The following TACC2 variants were observed in gnomAD, a reference collection of about 807,000 sequenced individuals.
TACC2 encodes transforming acidic coiled-coil containing protein 2.
A neutral mutation model predicts 227.3 loss-of-function variants in TACC2; 137 were observed. That is an observed-to-expected ratio of 0.60 (90% confidence interval 0.52 to 0.69). The LOEUF is 0.69. TACC2 is among the 30% of genes least tolerant of loss of function. TACC2 has a pLI of 0.00. For synonymous variants in TACC2, 1,523 were observed against 1,487.5 expected (o/e 1.02, Z -0.55); for missense variants, 3,470 against 3,694.4 (o/e 0.94, Z 1.57).
intron 7 of TACC2, among the ~76,000 whole-genome samples, chr10:122,151,994 G>A (rs1197188114): frequency 6.6e-6 from 1 of 152,194 alleles, no homozygotes; most frequent in East Asian, 1.9e-4. Context: ...GTTGCCCAGG[G>A]CCTGGGGCTT....
intron 5 of TACC2, among the ~76,000 whole-genome samples, chr10:122,121,662 C>T (rs1256557351): frequency 1.3e-5 from 2 of 152,128 alleles, no homozygotes; most frequent in Non-Finnish European, 2.9e-5. Context: ...TGCACTTTGA[C>T]GTGGCTGCAA....
intron 1 of TACC2, among the ~76,000 whole-genome samples, chr10:121,996,075 T>C (rs1243176037): frequency 6.6e-6 from 1 of 152,108 alleles, no homozygotes. Flanking sequence ...CATTTATATT[T>C]TTTATTTGAG....
Position 122,084,957 on chromosome 10 carries a change from C to G in TACC2, c.2457C>G (p.Ser819=), listed in dbSNP as rs746017280. Residue 819 remains serine (S), a synonymous_variant, in exon 4 of 23, where the codon TCC becomes TCG. Transcript: ENST00000369005. ...PGEGWIRGAA[S]EWPLLSSEKH... ...AAGGCTGGATAAGAGGAGCTGCATC[C>G]GAGTGGCCCCTACTATCTTCTGAGA... 6.2e-7 allele frequency: 1 copy of G among 1,614,156 alleles called. No individual in the cohort carries two copies. Among genetic ancestry groups the G allele is most frequent in the Non-Finnish European group, 8.5e-7 (1 of 1,180,032 alleles).
At chr10:122,140,621 A>G (rs990643280) in intron 6 of TACC2, among the ~76,000 whole-genome samples, 4 of 152,202 alleles carry the variant, frequency 2.6e-5, no homozygotes, top group African/African-American at 9.6e-5. Flanking sequence ...TGGGTTTGGC[A>G]GCTGTCTGGA....
At chr10:122,188,038 A>T (rs2094271928) in intron 7 of TACC2, among the ~76,000 whole-genome samples, 1 of 151,970 alleles carries the variant, frequency 6.6e-6, no homozygotes, top group African/African-American at 2.4e-5. Flanking sequence ...CTTTTGGGGA[A>T]GTCTGTCTCC....
chr10:122,138,370 C>T (rs576783113), intron 6 of TACC2, among the ~76,000 whole-genome samples: 1 of 152,166 alleles, frequency 6.6e-6, no homozygotes, highest in Non-Finnish European at 1.5e-5. Flanking sequence ...ATTAGCTGGG[C>T]GTGGTGGCAG....
intron 3 of TACC2, among the ~76,000 whole-genome samples, chr10:122,056,299 C>CA (rs1163336576): frequency 6.6e-6 from 1 of 152,196 alleles, no homozygotes; most frequent in Non-Finnish European, 1.5e-5. Context: ...CTCAGCCTCC[C>CA]AAGTAGCTGG....
In TACC2 at chr10:122,237,550, TGTG is replaced by T; in HGVS notation, c.8271+16_8271+18del. Reference sequence around the variant, plus strand: ...TCGCCAGAGCAGAGGTATCGTGGCATGTGGTGTAATTACCCTCTTCCTGCCACT... The same window carrying T: ...TCGCCAGAGCAGAGGTATCGTGGCATGTGTAATTACCCTCTTCCTGCCACT... On this transcript the variant is annotated intron_variant, in intron 17 of 22. Coordinates refer to ENST00000369005, the MANE Select transcript of TACC2 (RefSeq NM_206862.4). 6.2e-7 allele frequency: 1 copy of T among 1,606,774 alleles called. No homozygotes were observed. Among genetic ancestry groups the T allele is most frequent in the South Asian group, 1.1e-5 (1 of 89,938 alleles).
At chr10:122,070,925 A>G (rs1010518689) in intron 3 of TACC2, among the ~76,000 whole-genome samples, 1 of 145,608 alleles carries the variant, frequency 6.9e-6, no homozygotes, top group Non-Finnish European at 1.5e-5. Context: ...CCCTGTCTGG[A>G]AAAAAAAAAA....
rs369376070 is a variant in TACC2, at chr10:122,187,030, G to C, written c.5835-8010G>C. ...TGAAATCATGAGCCCAGGGTGTGGG[G>C]GCCGGCTTAGTGTCACTCTGCGCTT... is the stretch of plus-strand genomic sequence containing the variant. On this transcript the variant is annotated intron_variant, in intron 7 of 22. Transcript: ENST00000369005. Among the ~76,000 whole-genome samples the C allele has an allele frequency of 3.9e-5, 6 of 152,286 alleles. No individual in the cohort carries two copies. The South Asian group carries it at 8.3e-4, about 21-fold the overall frequency.
At chr10:122,153,611 A>C (rs1314193613) in intron 7 of TACC2, among the ~76,000 whole-genome samples, 3 of 152,190 alleles carry the variant, frequency 2.0e-5, no homozygotes, top group Non-Finnish European at 2.9e-5. Context: ...TTGTTTTTTC[A>C]CAAAACAGCC....
chr10:122,199,031 A>C (rs1028977812), intron 8 of TACC2, among the ~76,000 whole-genome samples: 1 of 152,220 alleles, frequency 6.6e-6, no homozygotes, highest in Non-Finnish European at 1.5e-5. Flanking sequence ...ATTGTTCAGC[A>C]TTGGGGAATG....
chr10:122,248,586 G>C, intron 19 of TACC2, 57 bp from the exon 20 acceptor site: 1 of 1,606,006 alleles, frequency 6.2e-7, no homozygotes, highest in Non-Finnish European at 8.5e-7. Flanking sequence ...GCTGGCCCCA[G>C]AGACCCAGTT....
At chr10:122,219,924 G>C (rs763209453) in intron 11 of TACC2, among the ~76,000 whole-genome samples, 1 of 151,924 alleles carries the variant, frequency 6.6e-6, no homozygotes, top group Non-Finnish European at 1.5e-5. Flanking sequence ...TGTAATCCCA[G>C]CTACTAGGGA....
At chr10:122,037,129 C>T (rs1317355154) in intron 2 of TACC2, among the ~76,000 whole-genome samples, 1 of 152,120 alleles carries the variant, frequency 6.6e-6, no homozygotes, top group East Asian at 1.9e-4. Context: ...AATAAGGTAA[C>T]AGGTGTGTAT....
chr10:122,211,033 G>T lies in TACC2; in HGVS notation c.6608G>T (p.Cys2203Phe), dbSNP rs1298529946. ...CCCGCTGTGGGGCCCAAAGCTGCCT[G>T]CCCTCTGGACTCAGAGAGTGCAGAA... Reference protein sequence around the residue: ...LEPAVGPKAACPLDSESAEGV... With the variant: ...LEPAVGPKAAFPLDSESAEGV... Residue 2203 changes from cysteine to phenylalanine, a missense_variant, in exon 9 of 23, where the codon TGC becomes TTC. Physicochemically the swap from Cys to Phe is radical, Grantham distance 205 (BLOSUM62 -2). Transcript: ENST00000369005. 3 of 1,612,400 alleles carry T rather than the reference G, an allele frequency of 1.9e-6. No homozygotes were observed. The highest frequency in any genetic ancestry group is 2.5e-6 in the Non-Finnish European group (3 of 1,179,314).
At chr10:121,992,735 G>T (rs2134854855) in intron 1 of TACC2, among the ~76,000 whole-genome samples, 1 of 152,170 alleles carries the variant, frequency 6.6e-6, no homozygotes, top group Admixed American at 6.5e-5. Flanking sequence ...AGGGTGGATT[G>T]CCTGAGCTCA....
At chr10:122,064,532 C>T (rs1003593179) in intron 3 of TACC2, among the ~76,000 whole-genome samples, 1 of 152,162 alleles carries the variant, frequency 6.6e-6, no homozygotes, top group African/African-American at 2.4e-5. Flanking sequence ...TTGAACAAAA[C>T]CACATTATTG....
intron 1 of TACC2, among the ~76,000 whole-genome samples, chr10:122,021,618 C>T (rs756170125): frequency 6.6e-6 from 1 of 152,106 alleles, no homozygotes; most frequent in African/African-American, 2.4e-5. Flanking sequence ...CTTTGGCAAA[C>T]GGACCCCTTT....
Sources: allele counts gnomAD v4.1 joint callset (sites outside exome capture counted in the v4.1 genomes callset), GRCh38; gene constraint gnomAD v4.1.1; transcripts MANE v1.5; gene names NCBI Gene and HGNC (gene_info 2026-07-23, HGNC 2026-07-21).